NCAM2: variants seen among roughly 807,000 people sequenced by gnomAD.
The protein encoded by NCAM2 is neural cell adhesion molecule 2, also known as N-CAM-2.
A neutral mutation model predicts 98.1 loss-of-function variants in NCAM2; 30 were observed. That is an observed-to-expected ratio of 0.31 (90% CI 0.23 to 0.41). NCAM2 has a LOEUF of 0.41. Among genes scored for constraint, NCAM2 ranks in the 10% least tolerant of loss-of-function variants. NCAM2 has a pLI of 1.00. For synonymous variants in NCAM2, 368 were observed against 342.4 expected, an observed-to-expected ratio of 1.07 and a Z score of -0.83; for missense variants, 867 against 1,005.8, an observed-to-expected ratio of 0.86 and a Z score of 1.87.
intron 1 of NCAM2, among the ~76,000 whole-genome samples, chr21:21,082,890 A>G (rs1328626122): frequency 6.6e-6 from 1 of 152,144 alleles, no homozygotes; most frequent in African/African-American, 2.4e-5. Context: ...CGGGACACCT[A>G]TGTAACTTTC....
At chr21:21,025,213 G>T (rs899269918) in intron 1 of NCAM2, among the ~76,000 whole-genome samples, 6 of 151,960 alleles carry the variant, frequency 3.9e-5, no homozygotes, top group Non-Finnish European at 7.3e-5. Flanking sequence ...AGCCTCTTGA[G>T]TAGCTGGGAT....
In NCAM2 at chr21:21,436,485, A is replaced by G. The variant is rs143190914; in HGVS notation, c.1654+4204A>G. On this transcript the variant is annotated intron_variant, in intron 12 of 17. Transcript: ENST00000400546. ...TTTCAGATGTTATATTGTATTGTGC[A>G]TATTTTAATATATAACATATTATAT... is the stretch of plus-strand genomic sequence containing the variant. 2.8e-3 allele frequency among the ~76,000 whole-genome samples: 432 copies of G among 152,296 alleles called. 1 individual carries two copies. The highest frequency in any genetic ancestry group is 0.01 in the African/African-American group (418 of 41,574).
intron 16 of NCAM2, among the ~76,000 whole-genome samples, chr21:21,518,299 A>G (rs1988825685): frequency 6.6e-6 from 1 of 152,172 alleles, no homozygotes; most frequent in Non-Finnish European, 1.5e-5. Context: ...AACATATTTC[A>G]GTTCAAAAAT....
At chr21:21,524,038 CCACACACACA>C (rs35446366) in intron 16 of NCAM2, among the ~76,000 whole-genome samples, 1 of 148,494 alleles carries the variant, frequency 6.7e-6, no homozygotes, top group Non-Finnish European at 1.5e-5. Context: ...CAGATATTGT[CCACACACACA>C]CACACACACA....
intron 4 of NCAM2, among the ~76,000 whole-genome samples, chr21:21,286,684 G>A (rs917610104): frequency 6.6e-5 from 10 of 151,746 alleles, no homozygotes; most frequent in African/African-American, 2.2e-4. Context: ...TAGTTGAGAA[G>A]CTGTGGCTAA....
At chr21:21,300,922 T>C (rs2073689290) in intron 5 of NCAM2, among the ~76,000 whole-genome samples, 1 of 152,056 alleles carries the variant, frequency 6.6e-6, no homozygotes, top group African/African-American at 2.4e-5. Flanking sequence ...TCATGTACAA[T>C]AATCTGCATA....
chr21:21,386,595 A>G (rs1226784760), intron 9 of NCAM2, among the ~76,000 whole-genome samples: 1 of 152,176 alleles, frequency 6.6e-6, no homozygotes, highest in African/African-American at 2.4e-5. Context: ...TAAGCTGTAG[A>G]TTTTTAACCC....
intron 9 of NCAM2, among the ~76,000 whole-genome samples, chr21:21,379,281 T>C (rs2076098226): frequency 6.6e-6 from 1 of 152,084 alleles, no homozygotes; most frequent in African/African-American, 2.4e-5. Context: ...GGCTTTATCT[T>C]CATTATTTCC....
chr21:21,525,053 A>G (rs1345564440), intron 16 of NCAM2, among the ~76,000 whole-genome samples: 2 of 152,138 alleles, frequency 1.3e-5, no homozygotes, highest in East Asian at 1.9e-4. Context: ...ATATTAGAAT[A>G]TAAGAAAGAT....
intron 1 of NCAM2, among the ~76,000 whole-genome samples, chr21:21,214,748 C>CAA (rs2069817669): frequency 3.2e-5 from 1 of 30,782 alleles, no homozygotes; most frequent in Non-Finnish European, 1.1e-4. Flanking sequence ...TATATATATA[C>CAA]ACTATATATA....
rs572289547 is a variant in NCAM2 at position 21,034,066 on chromosome 21, CAA to C, written c.55+35450_55+35451del. On this transcript the variant is annotated intron_variant, in intron 1 of 17. Coordinates refer to ENST00000400546, the MANE Select transcript of NCAM2 (RefSeq NM_004540.5). Reference sequence around the variant, plus strand: ...GAGATAGGCAAAGGGGGGGGGGAAACAAAGATTGAGATAAGCAGATAAAAACA... The same window carrying C: ...GAGATAGGCAAAGGGGGGGGGGAAACAGATTGAGATAAGCAGATAAAAACA... Among the ~76,000 whole-genome samples the C allele has an allele frequency of 3.3e-5, 5 of 150,218 alleles. No individual in the cohort carries two copies. The South Asian group carries it at 6.4e-4, about 19-fold the overall frequency.
chr21:21,075,130 TG>T (rs2146380560), intron 1 of NCAM2, among the ~76,000 whole-genome samples: 1 of 152,188 alleles, frequency 6.6e-6, no homozygotes, highest in African/African-American at 2.4e-5. Context: ...AAGTGGGAGT[TG>T]AACAATGAGA....
chr21:21,129,901 T>C (rs71321781), intron 1 of NCAM2, among the ~76,000 whole-genome samples: 15,132 of 152,128 alleles, frequency 0.099, 972 homozygotes, highest in East Asian at 0.33. Context: ...CAAGGTGAAT[T>C]TTGGACTTAG....
chr21:21,447,786 C>T lies in NCAM2; in HGVS notation c.1654+15505C>T, dbSNP rs9981122. 3.6e-3 allele frequency among the ~76,000 whole-genome samples: 541 copies of T among 152,040 alleles called. 3 individuals are homozygous for T. Among genetic ancestry groups the T allele is most frequent in the African/African-American group, 0.013 (522 of 41,488 alleles). On this transcript the variant is annotated intron_variant, in intron 12 of 17. Coordinates refer to ENST00000400546, the MANE Select transcript of NCAM2 (RefSeq NM_004540.5). ...GACATTTACGTGGACAACCAACTTA[C>T]GAATAAAAGCTTAACATCACTGATC...
chr21:21,325,908 G>A (rs75132618), intron 6 of NCAM2, among the ~76,000 whole-genome samples: 1,838 of 152,244 alleles, frequency 0.012, 30 homozygotes, highest in African/African-American at 0.042. Flanking sequence ...AGCTTATGCC[G>A]ATCTTAGCTA....
At chr21:21,234,077 TACTC>T (rs778811224) in intron 1 of NCAM2, among the ~76,000 whole-genome samples, 57 of 151,948 alleles carry the variant, frequency 3.8e-4, no homozygotes, top group Admixed American at 5.9e-4. Flanking sequence ...GTATTTAAAA[TACTC>T]ACAGAGATTT....
At chr21:21,283,468 A>G (rs1391103158) in intron 2 of NCAM2, among the ~76,000 whole-genome samples, 8 of 151,904 alleles carry the variant, frequency 5.3e-5, no homozygotes, top group Non-Finnish European at 1.2e-4. Context: ...AAACTTAAAT[A>G]AATGTTTACC....
At chr21:21,392,576 C>T (rs931827503) in intron 9 of NCAM2, among the ~76,000 whole-genome samples, 2 of 152,116 alleles carry the variant, frequency 1.3e-5, no homozygotes, top group Admixed American at 1.3e-4. Flanking sequence ...AACAGTGTAA[C>T]AGTGTTCCTT....
chr21:21,518,382 T>C (rs755222398), intron 16 of NCAM2, among the ~76,000 whole-genome samples: 1 of 152,128 alleles, frequency 6.6e-6, no homozygotes, highest in Non-Finnish European at 1.5e-5. Flanking sequence ...AGAACAAACA[T>C]AAATTAGCCT....
Sources: allele counts gnomAD v4.1 joint callset (sites outside exome capture counted in the v4.1 genomes callset), GRCh38; gene constraint gnomAD v4.1.1; transcripts MANE v1.5; gene names NCBI Gene and HGNC (gene_info 2026-07-23, HGNC 2026-07-21).